RELCH: variants seen among roughly 807,000 people sequenced by gnomAD.
RELCH encodes the protein RAB11-binding protein RELCH.
A neutral mutation model predicts 150.3 loss-of-function variants in RELCH; 41 were observed. The observed-to-expected ratio is 0.27, with a 90% confidence interval of 0.21 to 0.35. The LOEUF is 0.35. Ranked by LOEUF, RELCH falls within the 10% of genes least tolerant of loss-of-function variation. The probability of loss-of-function intolerance (pLI) is 1.00; values close to 1 mark genes in which losing one functional copy is unlikely to be tolerated. For synonymous variants in RELCH, 478 were observed against 531.8 expected, an observed-to-expected ratio of 0.90 and a Z score of 1.39; for missense variants, 1,092 against 1,467.8, an observed-to-expected ratio of 0.74 and a Z score of 4.18.
chr18:62,199,124 T>A (rs968405425), intron 1 of RELCH, among the ~76,000 whole-genome samples: 13 of 151,668 alleles, frequency 8.6e-5, no homozygotes, highest in African/African-American at 2.9e-4. Context: ...TTTTTTCTTA[T>A]GGAATACTTG....
rs1568462171 is a variant in RELCH, at chr18:62,307,394, GTAGA to G, written c.*1861_*1864del. The stretch of plus-strand genomic sequence containing the variant: ...TGTATGTTTGTTATCAGGTGAATGG[GTAGA>G]ATGTATTTTTATTGTGAACATTTTT... On this transcript the variant is annotated 3_prime_UTR_variant, in exon 29 of 29. Transcript: ENST00000644646. The G allele has an allele frequency of 1.4e-4, 21 of 152,096 alleles. No homozygotes were observed. In the South Asian group the frequency reaches 2.3e-3, roughly 16 times the overall value. The allele number at this position is 152,096 out of a possible 1,614,324, so 9.4% of individuals were successfully genotyped here.
intron 23 of RELCH, chr18:62,280,415 T>G: frequency 6.2e-7 from 1 of 1,614,024 alleles, no homozygotes; most frequent in Non-Finnish European, 8.5e-7. Context: ...GCTCCGGCCC[T>G]TGTTACCTTG....
At chr18:62,227,718 T>C in intron 7 of RELCH, 29 bp downstream of exon 7, 1 of 1,194,222 alleles carries the variant, frequency 8.4e-7, no homozygotes. Flanking sequence ...TTCCTAAAAA[T>C]CCTCTTAAGG....
At position 62,264,992 on chromosome 18, in the gene RELCH, T is replaced by TAA. The variant is rs927631030; in HGVS notation, c.2631+147_2631+148dup. On this transcript the variant is annotated intron_variant, in intron 18 of 28. Coordinates refer to ENST00000644646, the MANE Select transcript of RELCH (RefSeq NM_001346231.2). Reference sequence around the variant, plus strand: ...TTAATATCCTAGAATACTATGATAGTAAAAAAAAGTTCTAGTTGGTAATAT... The same window carrying TAA: ...TTAATATCCTAGAATACTATGATAGTAAAAAAAAAAGTTCTAGTTGGTAATAT... The TAA allele has an allele frequency of 9.5e-6, 6 of 634,672 alleles. No individual in the cohort carries two copies. In the East Asian group the frequency reaches 1.8e-4, roughly 19 times the overall value. The allele number at this position is 634,672 out of a possible 1,614,324, so 39.3% of individuals were successfully genotyped here. A position where few individuals can be genotyped will look rare whatever the true frequency, so the allele number is the denominator to read the frequency against.
At chr18:62,252,881 C>A in intron 12 of RELCH, 127 bp downstream of exon 12, 1 of 685,604 alleles carries the variant, frequency 1.5e-6, no homozygotes, top group African/African-American at 1.8e-5. Flanking sequence ...TTCTGTAGCC[C>A]AGCACAGTGA....
At chr18:62,195,277 ACT>A (rs201716532) in intron 1 of RELCH, among the ~76,000 whole-genome samples, 7,555 of 124,080 alleles carry the variant, frequency 0.061, 260 homozygotes, top group Middle Eastern at 0.15. Context: ...ATATACACAC[ACT>A]CTGTGTGTGT....
chr18:62,210,068 G>T (rs959662995), intron 1 of RELCH, among the ~76,000 whole-genome samples: 1 of 152,104 alleles, frequency 6.6e-6, no homozygotes, highest in Admixed American at 6.5e-5. Flanking sequence ...AGTTTTGCTT[G>T]TTCTTTTCCA....
In RELCH at chr18:62,187,449, C is replaced by T; in HGVS notation, c.-57C>T. The stretch of plus-strand genomic sequence containing the variant: ...TGTGTCCCCTGAGGCCTAGAGGATT[C>T]GGGCTGCGGCCCGTCGGAACCAGTC... On this transcript the variant is annotated 5_prime_UTR_variant, in exon 1 of 29. Coordinates refer to ENST00000644646, the MANE Select transcript of RELCH (RefSeq NM_001346231.2). 6.8e-7 allele frequency: 1 copy of T among 1,478,346 alleles called. No individual in the cohort carries two copies. The highest frequency in any genetic ancestry group is 2.3e-5 in the East Asian group (1 of 43,204). The allele number at this position is 1,478,346 out of a possible 1,614,324, so 91.6% of individuals were successfully genotyped here. A position where few individuals can be genotyped will look rare whatever the true frequency, so the allele number is the denominator to read the frequency against.
At position 62,273,986 on chromosome 18, in the gene RELCH, G is replaced by C; in HGVS notation, c.2767G>C (p.Asp923His). 1.9e-6 allele frequency: 3 copies of C among 1,605,774 alleles called. No homozygotes were observed. The change falls in exon 21 of 29, where the codon GAC becomes CAC. Residue 923 changes from aspartate to histidine, a missense_variant. Asp to His is a moderately conservative substitution (Grantham distance 81, BLOSUM62 -1). Coordinates refer to ENST00000644646, the MANE Select transcript of RELCH (RefSeq NM_001346231.2). ...CAGTATTTTTCCTCTGTAGGAAGAA[G>C]ACCGAAAACTGTTAGTTGGATTCTT... ...GVLTCYIQEE[D>H]RKLLVGFLED... is the part of the protein sequence containing the mutation.
intron 1 of RELCH, among the ~76,000 whole-genome samples, chr18:62,199,114 T>C (rs2039249007): frequency 1.3e-5 from 2 of 151,608 alleles, no homozygotes; most frequent in South Asian, 4.1e-4. Flanking sequence ...ACATTATTTT[T>C]TTTTTCTTAT....
intron 1 of RELCH, among the ~76,000 whole-genome samples, chr18:62,195,129 A>G: frequency 6.6e-6 from 1 of 152,254 alleles, no homozygotes; most frequent in East Asian, 1.9e-4. Context: ...ATTTCTATTA[A>G]CTGAATAAAA....
chr18:62,291,304 T>C (rs1462967432), intron 26 of RELCH, among the ~76,000 whole-genome samples: 1 of 152,226 alleles, frequency 6.6e-6, no homozygotes, highest in Non-Finnish European at 1.5e-5. Context: ...CATTCTGTAA[T>C]TTAAATGATG....
chr18:62,266,565 T>G, intron 18 of RELCH, 136 bp from the exon 19 acceptor site: 1 of 527,210 alleles, frequency 1.9e-6, no homozygotes, highest in Non-Finnish European at 3.4e-6. Flanking sequence ...ATTATTACAT[T>G]TCTGACCACT....
intron 17 of RELCH, among the ~76,000 whole-genome samples, 155 bp from the exon 18 acceptor site, chr18:62,264,574 T>G (rs1046163777): frequency 2.6e-5 from 4 of 152,130 alleles, no homozygotes; most frequent in African/African-American, 4.8e-5. Context: ...CAGTATAATG[T>G]AATCTTACAA....
At chr18:62,213,156 T>A (rs978195071) in intron 2 of RELCH, among the ~76,000 whole-genome samples, 4 of 152,122 alleles carry the variant, frequency 2.6e-5, no homozygotes, top group Non-Finnish European at 4.4e-5. Context: ...ACTTGTTATA[T>A]ATATTAGCTA....
At chr18:62,195,280 C>CTGTGTGTGTG (rs148387504) in intron 1 of RELCH, among the ~76,000 whole-genome samples, 2,819 of 136,270 alleles carry the variant, frequency 0.021, 47 homozygotes, top group African/African-American at 0.054. Context: ...TACACACACT[C>CTGTGTGTGTG]TGTGTGTGTG....
chr18:62,220,995 TGGTTG>T (rs1464735070), intron 2 of RELCH, 37 bp from the exon 3 acceptor site: 2 of 1,484,120 alleles, frequency 1.3e-6, no homozygotes, highest in Non-Finnish European at 1.9e-6. Flanking sequence ...TCCCTTTTCT[TGGTTG>T]GATGCCTGTG....
chr18:62,284,186 T>C (rs1157332414), intron 25 of RELCH: 2 of 152,210 alleles, frequency 1.3e-5, no homozygotes, highest in Admixed American at 1.3e-4. Flanking sequence ...TTAATTTCTC[T>C]TTCTAGAATT....
intron 1 of RELCH, among the ~76,000 whole-genome samples, chr18:62,208,206 T>TAATTGTGC: frequency 6.6e-6 from 1 of 152,198 alleles, no homozygotes; most frequent in Non-Finnish European, 1.5e-5. Flanking sequence ...GGAGAACGCT[T>TAATTGTGC]TGTCCATTTT....
Sources: allele counts gnomAD v4.1 joint callset (sites outside exome capture counted in the v4.1 genomes callset), GRCh38; gene constraint gnomAD v4.1.1; transcripts MANE v1.5; gene names NCBI Gene and HGNC (gene_info 2026-07-23, HGNC 2026-07-21).